Variants in ZNF519 observed in about 807,000 individuals in gnomAD.
The protein encoded by ZNF519 is similar to Zinc finger protein 85 (Zinc finger protein HPF4) (HTF1).
ZNF519 carries 7 observed loss-of-function variants against 7.4 expected under a neutral mutation model. The observed-to-expected ratio is 0.94, with a 90% CI of 0.54 to 1.77. The LOEUF (loss-of-function observed/expected upper bound fraction) is 1.77, where lower values mean the gene tolerates loss of function less well. Among genes scored for constraint, ZNF519 ranks in the 40% most tolerant of loss-of-function variants. The pLI, the probability that ZNF519 is intolerant of heterozygous loss-of-function variation, is 0.00. For missense variants in ZNF519, 586 were observed against 623.1 expected, an observed-to-expected ratio of 0.94 and a Z score of 0.63; for synonymous variants, 179 against 203.3, an observed-to-expected ratio of 0.88 and a Z score of 1.02.
intron 1 of ZNF519, among the ~76,000 whole-genome samples, chr18:14,129,352 G>A (rs2046318286): frequency 6.6e-6 from 1 of 152,122 alleles, no homozygotes; most frequent in South Asian, 2.1e-4. Flanking sequence ...TGGGAGGAGT[G>A]TAGCCAGATC....
At chr18:14,127,645 C>T (rs988497588) in intron 1 of ZNF519, among the ~76,000 whole-genome samples, 3 of 152,234 alleles carry the variant, frequency 2.0e-5, no homozygotes, top group African/African-American at 7.2e-5. Flanking sequence ...TTAATTAATG[C>T]ACATGTGTGA....
chr18:14,124,465 T>C lies in ZNF519; in HGVS notation c.15A>G (p.Thr5=), dbSNP rs2046286661. Residue 5 remains threonine (T), a synonymous_variant, in exon 2 of 3, where the codon ACA becomes ACG. Transcript: ENST00000590202. The part of the protein sequence containing the change: MELL[T]FRDVAIEFSP... ...AGAATTCTATGGCCACATCCCTGAA[T>C]GTTAAGAGTTCCTGGAAACACATAT... 1.2e-6 allele frequency: 2 copies of C among 1,610,132 alleles called. No homozygotes were observed. Among genetic ancestry groups the C allele is most frequent in the South Asian group, 1.1e-5 (1 of 90,246 alleles).
chr18:14,107,834 C>T (rs1336057179), intron 2 of ZNF519, among the ~76,000 whole-genome samples: 1 of 152,126 alleles, frequency 6.6e-6, no homozygotes, highest in Non-Finnish European at 1.5e-5. Flanking sequence ...TGGGATGAGG[C>T]TCTTCTGCCT....
At chr18:14,096,064 G>A (rs11873357), downstream of ZNF519, among the ~76,000 whole-genome samples, 7,098 of 152,322 alleles carry the variant, frequency 0.047, 536 homozygotes, top group African/African-American at 0.16. Context: ...GGTGAGTCCA[G>A]AGGTGTCACC....
intron 2 of ZNF519, among the ~76,000 whole-genome samples, chr18:14,119,234 C>G (rs897544815): frequency 1.3e-5 from 2 of 152,164 alleles, no homozygotes; most frequent in Admixed American, 1.3e-4. Context: ...GTAACCTCAT[C>G]AGCCTGGGAA....
chr18:14,105,532 A>T lies in ZNF519; in HGVS notation c.1008T>A (p.Thr336=), dbSNP rs753947387. The T allele has an allele frequency of 1.2e-6, 2 of 1,614,118 alleles. No individual in the cohort carries two copies. The highest frequency in any genetic ancestry group is 2.2e-5 in the South Asian group (2 of 91,078). Residue 336 remains threonine (T), a synonymous_variant, in exon 3 of 3, where the codon ACT becomes ACA. Coordinates refer to ENST00000590202, the MANE Select transcript of ZNF519 (RefSeq NM_145287.4). ...CTCCAGTATGGATTCTCTGATGTTGAGTAAGGTATGAGCCTCTGTTAAAAG... is the reference window on the plus strand; with the variant it reads ...CTCCAGTATGGATTCTCTGATGTTGTGTAAGGTATGAGCCTCTGTTAAAAG... The part of the protein sequence containing the change: ...GKAFNRGSYL[T]QHQRIHTGER...
intron 2 of ZNF519, among the ~76,000 whole-genome samples, chr18:14,118,904 G>C (rs1338450361): frequency 1.3e-5 from 2 of 152,092 alleles, no homozygotes; most frequent in Non-Finnish European, 2.9e-5. Context: ...CCCAGTTAGA[G>C]ACCTGTGAAA....
intron 1 of ZNF519, among the ~76,000 whole-genome samples, chr18:14,132,001 C>T (rs2046332833): frequency 6.6e-6 from 1 of 152,208 alleles, no homozygotes; most frequent in Non-Finnish European, 1.5e-5. Context: ...ACCCTGCACA[C>T]CGAGTCGGCG....
intron 2 of ZNF519, among the ~76,000 whole-genome samples, chr18:14,106,722 G>T (rs993403109): frequency 1.3e-5 from 2 of 152,132 alleles, no homozygotes; most frequent in African/African-American, 4.8e-5. Flanking sequence ...AGACCGTCTT[G>T]AATCACTAAT....
Position 14,104,803 on chromosome 18 carries a change from G to A in ZNF519, c.*114C>T. The A allele has an allele frequency of 8.5e-7, 1 of 1,180,356 alleles. No individual in the cohort carries two copies. The highest frequency in any genetic ancestry group is 1.1e-6 in the Non-Finnish European group (1 of 878,890). The allele number at this position is 1,180,356 out of a possible 1,614,324, so 73.1% of individuals were successfully genotyped here. A position where few individuals can be genotyped will look rare whatever the true frequency, so the allele number is the denominator to read the frequency against. Reference sequence around the variant, plus strand: ...ATTTTTATTTAATCTTCATTTTGATGTTTCAAAAATCATTACACATATGGG... The same window carrying A: ...ATTTTTATTTAATCTTCATTTTGATATTTCAAAAATCATTACACATATGGG... On this transcript the variant is annotated 3_prime_UTR_variant, in exon 3 of 3. Coordinates refer to ENST00000590202, the MANE Select transcript of ZNF519 (RefSeq NM_145287.4).
chr18:14,128,038 C>T (rs2046309407), intron 1 of ZNF519, among the ~76,000 whole-genome samples: 1 of 151,946 alleles, frequency 6.6e-6, no homozygotes, highest in African/African-American at 2.4e-5. Context: ...GCCTGTAATC[C>T]CAGCACTCTG....
chr18:14,103,274 C>T lies in ZNF519; in HGVS notation c.*1643G>A, dbSNP rs138927585. The T allele has an allele frequency of 5.3e-5, 8 of 152,124 alleles. No homozygotes were observed. Among genetic ancestry groups the T allele is most frequent in the African/African-American group, 1.9e-4 (8 of 41,506 alleles). The allele number at this position is 152,124 out of a possible 1,614,324, so 9.4% of individuals were successfully genotyped here. On this transcript the variant is annotated 3_prime_UTR_variant, in exon 3 of 3. Coordinates refer to ENST00000590202, the MANE Select transcript of ZNF519 (RefSeq NM_145287.4). The stretch of plus-strand genomic sequence containing the variant: ...TTAGAAGTACACATAAATCATTCTC[C>T]AGGATAGACCATATGCTAGGCCATA...
downstream of ZNF519, among the ~76,000 whole-genome samples, chr18:14,098,291 G>A (rs1408918118): frequency 6.6e-6 from 1 of 151,618 alleles, no homozygotes; most frequent in Non-Finnish European, 1.5e-5. Flanking sequence ...TTACTGAGTA[G>A]CTGGATTACA....
Position 14,104,762 on chromosome 18 carries a change from TA to T in ZNF519, c.*154del. The T allele has an allele frequency of 1.2e-6, 1 of 817,988 alleles. No individual in the cohort carries two copies. The highest frequency in any genetic ancestry group is 1.8e-6 in the Non-Finnish European group (1 of 570,050). 50.7% of individuals were successfully genotyped at this position (817,988 alleles called of 1,614,324 possible). On this transcript the variant is annotated 3_prime_UTR_variant, in exon 3 of 3. Transcript: ENST00000590202. The stretch of plus-strand genomic sequence containing the variant: ...GAAGTGCTAGCACCTTAGTTCTTTC[TA>T]AAGTGACACTTCTAATTTTTATTTA...
At position 14,077,930 on chromosome 18, in the gene ZNF519, C is replaced by T. The variant is rs74423579; in HGVS notation, c.*276+270G>A. On this transcript the variant is annotated intron_variant and NMD_transcript_variant, in intron 4 of 4. Transcript: ENST00000587419. ...GTTACGGTGCAAATAGGCAGTCGTC[C>T]CCAACCTTTTTGGCACCTGGGACCC... 7.7e-3 allele frequency among the ~76,000 whole-genome samples: 1,172 copies of T among 152,208 alleles called. 17 individuals carry two copies. Among genetic ancestry groups the T allele is most frequent in the African/African-American group, 0.026 (1,070 of 41,520 alleles).
chr18:14,073,193 T>C (rs2046034223), downstream of ZNF519: 1 of 152,144 alleles, frequency 6.6e-6, no homozygotes, highest in South Asian at 2.1e-4. Flanking sequence ...TTACGTTAAC[T>C]GTAACAAAAA....
rs1028873756 is a variant in ZNF519, at chr18:14,124,556, T to C, written c.4-80A>G. On this transcript the variant is annotated intron_variant, in intron 1 of 2. Coordinates refer to ENST00000590202, the MANE Select transcript of ZNF519 (RefSeq NM_145287.4). ...AGTTAAAATAACTAGTTCTGACTTA[T>C]GTGGCTGACTAGGATTATCTGATAA... The C allele has an allele frequency of 2.7e-5, 41 of 1,495,570 alleles. No homozygotes were observed. The East Asian group carries it at 7.5e-4, about 28-fold the overall frequency. 92.6% of individuals were successfully genotyped at this position (1,495,570 alleles called of 1,614,324 possible). A position where few individuals can be genotyped will look rare whatever the true frequency, so the allele number is the denominator to read the frequency against.
chr18:14,075,504 C>G (rs1040813231), downstream of ZNF519: 1 of 152,140 alleles, frequency 6.6e-6, no homozygotes, highest in African/African-American at 2.4e-5. Flanking sequence ...AAGTTTGTAC[C>G]TAATTATGAT....
chr18:14,096,541 G>A (rs1389167673), downstream of ZNF519, among the ~76,000 whole-genome samples: 1 of 151,852 alleles, frequency 6.6e-6, no homozygotes, highest in Non-Finnish European at 1.5e-5. Context: ...TTAGAGACAC[G>A]GTCTTGCTCT....
Sources: allele counts gnomAD v4.1 joint callset (sites outside exome capture counted in the v4.1 genomes callset), GRCh38; gene constraint gnomAD v4.1.1; transcripts MANE v1.5; gene names NCBI Gene and HGNC (gene_info 2026-07-23, HGNC 2026-07-21).